The following FN1 variants were observed in gnomAD, a reference collection of about 807,000 sequenced individuals.
FN1 encodes fibronectin 1, also known as fibronectin.
A neutral mutation model predicts 297.3 loss-of-function variants in FN1; 106 were observed. That is an observed-to-expected ratio of 0.36 (90% confidence interval 0.30 to 0.42). FN1 has a LOEUF of 0.42. Among genes scored for constraint, FN1 ranks in the 10% least tolerant of loss-of-function variants. The probability of loss-of-function intolerance (pLI) is 1.00; values close to 1 mark genes in which losing one functional copy is unlikely to be tolerated. For missense variants in FN1, 2,690 were observed against 3,124.9 expected, an observed-to-expected ratio of 0.86 and a Z score of 3.32; for synonymous variants, 1,149 against 1,152.6, an observed-to-expected ratio of 1.00 and a Z score of 0.06.
chr2:215,426,470 A>G (rs997885646), intron 6 of FN1, among the ~76,000 whole-genome samples: 4 of 152,096 alleles, frequency 2.6e-5, no homozygotes, highest in Non-Finnish European at 5.9e-5. Flanking sequence ...CAACTTTTAG[A>G]TATCTGTTCT....
At chr2:215,413,091 C>T (rs981931766) in intron 13 of FN1, among the ~76,000 whole-genome samples, 2 of 152,192 alleles carry the variant, frequency 1.3e-5, no homozygotes, top group South Asian at 2.1e-4. Context: ...TAGTTTGCTT[C>T]GTATAGGAAT....
rs186101013 is a variant in FN1 at position 215,426,471 on chromosome 2, T to C, written c.845-1186A>G. On this transcript the variant is annotated intron_variant, in intron 6 of 45. Transcript: ENST00000354785. ...CCGATCTTTTCTTTCAACTTTTAGA[T>C]ATCTGTTCTCTTGAAGGCCAGGGCC... is the stretch of plus-strand genomic sequence containing the variant. Among the ~76,000 whole-genome samples, 15 of 152,238 alleles carry C rather than the reference T, an allele frequency of 9.9e-5. No homozygotes were observed. In the East Asian group the frequency reaches 2.7e-3, roughly 27 times the overall value.
chr2:215,365,185 A>G (rs372558966), intron 43 of FN1, among the ~76,000 whole-genome samples, 200 bp from the exon 44 acceptor site: 2 of 152,218 alleles, frequency 1.3e-5, no homozygotes, highest in African/African-American at 4.8e-5. Context: ...AATACACTGG[A>G]AAGGGTCCAA....
chr2:215,401,616 T>C (rs1390206150), intron 20 of FN1, among the ~76,000 whole-genome samples: 31 of 152,144 alleles, frequency 2.0e-4, no homozygotes, highest in Non-Finnish European at 5.9e-5. Flanking sequence ...AAATTATGAA[T>C]GGCTGGCAAG....
intron 26 of FN1, among the ~76,000 whole-genome samples, 162 bp downstream of exon 26, chr2:215,391,470 A>G (rs1404054961): frequency 6.6e-6 from 1 of 152,238 alleles, no homozygotes; most frequent in Non-Finnish European, 1.5e-5. Flanking sequence ...AGCAACAAAC[A>G]TTACATCTTT....
chr2:215,423,861 AT>A (rs1302352272), intron 8 of FN1, among the ~76,000 whole-genome samples: 1 of 152,192 alleles, frequency 6.6e-6, no homozygotes, highest in Admixed American at 6.5e-5. Context: ...CTGTGGGATC[AT>A]CTACTGATTC....
intron 10 of FN1, among the ~76,000 whole-genome samples, chr2:215,421,572 T>C (rs1182965620): frequency 6.6e-6 from 1 of 152,202 alleles, no homozygotes; most frequent in Non-Finnish European, 1.5e-5. Context: ...ACTTTTCATA[T>C]CAAAGAAATG....
intron 8 of FN1, 144 bp downstream of exon 8, chr2:215,424,002 G>A: frequency 1.2e-6 from 1 of 807,068 alleles, no homozygotes; most frequent in Non-Finnish European, 2.1e-6. Context: ...TGTTACGTGA[G>A]CGCTGCGATC....
intron 26 of FN1, among the ~76,000 whole-genome samples, chr2:215,390,742 C>T (rs554511650): frequency 6.6e-6 from 1 of 152,214 alleles, no homozygotes; most frequent in East Asian, 1.9e-4. Context: ...GATATTCTTG[C>T]CCTCAGCCAC....
intron 7 of FN1, among the ~76,000 whole-genome samples, 190 bp from the exon 8 acceptor site, chr2:215,424,515 C>A (rs944548052): frequency 6.7e-6 from 1 of 149,934 alleles, no homozygotes; most frequent in African/African-American, 2.5e-5. Flanking sequence ...GTGGATAGAA[C>A]GACACCTGAG....
chr2:215,397,570 A>G (rs1360433601), intron 22 of FN1, 110 bp downstream of exon 22: 17 of 892,506 alleles, frequency 1.9e-5, no homozygotes, highest in Non-Finnish European at 3.2e-5. Context: ...TAAGGATAAG[A>G]TATCTCCCCT....
chr2:215,374,778 G>C (rs893409299), intron 38 of FN1, among the ~76,000 whole-genome samples: 1 of 152,138 alleles, frequency 6.6e-6, no homozygotes, highest in Non-Finnish European at 1.5e-5. Flanking sequence ...TGGGTGGTTG[G>C]GACTGCTCTG....
intron 38 of FN1, 90 bp from the exon 39 acceptor site, chr2:215,373,501 G>C: frequency 9.8e-7 from 1 of 1,020,604 alleles, no homozygotes; most frequent in Non-Finnish European, 1.6e-6. Context: ...ACTGGGAGCA[G>C]GCACTTCCTC....
rs759541268 is a variant in FN1 at position 215,399,237 on chromosome 2, T to G, written c.3348+20A>C. 6.4e-7 allele frequency: 1 copy of G among 1,565,382 alleles called. No homozygotes were observed. Among genetic ancestry groups the G allele is most frequent in the Non-Finnish European group, 8.8e-7 (1 of 1,135,756 alleles). On this transcript the variant is annotated intron_variant, in intron 21 of 45. Transcript: ENST00000354785. ...CAGCTCAGGGCTGTATCACAGAGAT[T>G]AGGAACATCTGCAGTTTACCTTAAA...
At chr2:215,408,219 G>A (rs1048550169) in intron 16 of FN1, 22 bp from the exon 17 acceptor site, 1 of 1,611,462 alleles carries the variant, frequency 6.2e-7, no homozygotes, top group Non-Finnish European at 8.5e-7. Context: ...AGAAAGTGGG[G>A]CAAACAGTCA....
chr2:215,380,852 T>G lies in FN1; in HGVS notation c.5393A>C (p.Asp1798Ala). 6.2e-7 allele frequency: 1 copy of G among 1,613,924 alleles called. No individual in the cohort carries two copies. Among genetic ancestry groups the G allele is most frequent in the Non-Finnish European group, 8.5e-7 (1 of 1,180,014 alleles). The change falls in exon 33 of 46, where the codon GAT becomes GCT. Residue 1798 changes from aspartate to alanine, a missense_variant. Around this residue, in one of 3 missense-constraint regions of FN1, gnomAD observed 1,743 missense variants for 1,945.2 expected, o/e 0.90. Transcript: ENST00000354785. Reference sequence around the variant, plus strand: ...AATCAGGGGCTGGCTCTCCATATCATCGTGCAAGGCAACCACACTGACTGT... The same window carrying G: ...AATCAGGGGCTGGCTCTCCATATCAGCGTGCAAGGCAACCACACTGACTGT... ...EYTVSVVALH[D>A]DMESQPLIGT...
At chr2:215,363,451 A>G (rs1346644273) in intron 44 of FN1, 1 of 152,228 alleles carries the variant, frequency 6.6e-6, no homozygotes, top group African/African-American at 2.4e-5. Flanking sequence ...CTCCTCCATC[A>G]GAATTGGGAG....
In FN1 at chr2:215,435,758, C is replaced by G; in HGVS notation, c.45G>C (p.Gln15His). 1 of 1,598,394 alleles carries G rather than the reference C, an allele frequency of 6.3e-7. No individual in the cohort carries two copies. The highest frequency in any genetic ancestry group is 1.1e-5 in the South Asian group (1 of 88,862). Residue 15 changes from glutamine (Q) to histidine (H), a missense_variant, in exon 1 of 46, where the codon CAG becomes CAC. Gln to His is a conservative substitution (Grantham distance 24). Transcript: ENST00000354785. The stretch of plus-strand genomic sequence containing the variant: ...TGGAGGGCACCGCTGTCCCCAGGCA[C>G]TGGACGGCCAGCAGCAGCAGCCCGG... ...PGPGLLLLAV[Q>H]CLGTAVPSTG... is the part of the protein sequence containing the mutation.
At chr2:215,373,625 T>C (rs935813414) in intron 38 of FN1, among the ~76,000 whole-genome samples, 1 of 151,952 alleles carries the variant, frequency 6.6e-6, no homozygotes, top group Non-Finnish European at 1.5e-5. Flanking sequence ...TACTATCATA[T>C]CTGACGCCTG....
Sources: gnomAD v4.1 joint callset for allele counts (sites outside exome capture counted in the v4.1 genomes callset) on GRCh38, gnomAD v4.1.1 for gene constraint, gnomAD v4.1.1 regional missense constraint, MANE v1.5 for transcripts, NCBI Gene and HGNC (gene_info 2026-07-23, HGNC 2026-07-21) for gene names.